Variants in SLC25A30 observed in about 807,000 individuals in gnomAD.
SLC25A30 encodes the protein solute carrier family 25 member 30.
A neutral mutation model predicts 42.7 loss-of-function variants in SLC25A30; 29 were observed. The ratio of observed to expected loss-of-function variants is 0.68; its 90% CI spans 0.51 to 0.93. The LOEUF is 0.93. Among genes scored for constraint, SLC25A30 ranks in the 40% least tolerant of loss-of-function variants. The pLI is 0.00. For missense variants in SLC25A30, 300 were observed against 359.7 expected, an observed-to-expected ratio of 0.83 and a Z score of 1.34; for synonymous variants, 124 against 131.0, an observed-to-expected ratio of 0.95 and a Z score of 0.37.
chr13:45,423,807 TATATAAAA>T, the SLC25A30 span, among the ~76,000 whole-genome samples: 3 of 44,138 alleles, frequency 6.8e-5, no homozygotes, highest in Non-Finnish European at 9.4e-5. Flanking sequence ...TATATTTATA[TATATAAAA>T]ATATAAATAT....
intron 6 of SLC25A30, 27 bp downstream of exon 6, chr13:45,402,248 T>G (rs186994815): frequency 2.1e-5 from 32 of 1,536,624 alleles, no homozygotes; most frequent in Middle Eastern, 1.7e-4. Context: ...ACTAAATAAA[T>G]CAGTTCGATC....
At position 45,393,662 on chromosome 13, in the gene SLC25A30, G is replaced by T; in HGVS notation, c.*2312C>A. On this transcript the variant is annotated 3_prime_UTR_variant, in exon 10 of 10. Coordinates refer to ENST00000519676, the MANE Select transcript of SLC25A30 (RefSeq NM_001010875.4). ...AGAACCCTGACAACGAGGGGACCAA[G>T]TCTCCCAATTCCTTAAGTTGTTTCT... 4.1e-6 allele frequency: 4 copies of T among 985,420 alleles called. No individual in the cohort carries two copies. Among genetic ancestry groups the T allele is most frequent in the Non-Finnish European group, 4.8e-6 (4 of 829,936 alleles). The allele number at this position is 985,420 out of a possible 1,614,324, so 61.0% of individuals were successfully genotyped here. A position where few individuals can be genotyped will look rare whatever the true frequency, so the allele number is the denominator to read the frequency against.
intron 7 of SLC25A30, 26 bp downstream of exon 7, chr13:45,401,056 AT>A (rs752517079): frequency 6.4e-7 from 1 of 1,555,370 alleles, no homozygotes. Context: ...AATTTCTATA[AT>A]TTTTTAAAAA....
chr13:45,398,589 A>C, intron 8 of SLC25A30: 1 of 161,054 alleles, frequency 6.2e-6, no homozygotes, highest in Non-Finnish European at 1.3e-5. Flanking sequence ...CAATTATTTA[A>C]ACTGAGAATT....
At chr13:45,425,534 A>G in the SLC25A30 span, among the ~76,000 whole-genome samples, 1 of 69,518 alleles carries the variant, frequency 1.4e-5, no homozygotes, top group African/African-American at 6.2e-5. Flanking sequence ...ATAAATATGT[A>G]TAAGTATATA....
chr13:45,397,258 A>C lies in SLC25A30; in HGVS notation c.834T>G (p.Ile278Met), dbSNP rs912050834. 6 of 1,598,000 alleles carry C rather than the reference A, an allele frequency of 3.8e-6. No individual in the cohort carries two copies. Among genetic ancestry groups the C allele is most frequent in the Non-Finnish European group, 5.1e-6 (6 of 1,165,986 alleles). Residue 278 changes from isoleucine (I) to methionine (M), a missense_variant and splice_region_variant, in exon 9 of 10, where the codon ATT (isoleucine) becomes ATG (methionine). By Grantham distance (10) the Ile-to-Met change is conservative. Transcript: ENST00000519676. ...GATCTATTGCAACAGAAAAGGATAC[A>C]ATGATATTCCAAGGACCAAGTCTCA... ...NWLRLGPWNI[I>M]FFVTYEQLKK... is the part of the protein sequence containing the mutation.
chr13:45,394,107 A>T lies in SLC25A30; in HGVS notation c.*1867T>A. The T allele has an allele frequency of 1.0e-6, 1 of 985,384 alleles. No homozygotes were observed. 61.0% of individuals were successfully genotyped at this position (985,384 alleles called of 1,614,324 possible). On this transcript the variant is annotated 3_prime_UTR_variant, in exon 10 of 10. Coordinates refer to ENST00000519676, the MANE Select transcript of SLC25A30 (RefSeq NM_001010875.4). ...TGGAATGTTTTGGAAAGAAGAAAAA[A>T]TCCTAAGGTGTAGTTTAGAACAAGC...
intron 5 of SLC25A30, among the ~76,000 whole-genome samples, chr13:45,404,118 T>C (rs1160193637): frequency 1.3e-5 from 2 of 152,188 alleles, no homozygotes; most frequent in Non-Finnish European, 2.9e-5. Context: ...ACCGAAATCT[T>C]TGTCTCCAAA....
rs1404173302 is a variant in SLC25A30, at chr13:45,411,354, G to T, written c.64+8C>A. ...AGGCTACGTGATCCACCACCCTCAG[G>T]TCCTTACCGCACTCAGCAGTGATGG... On this transcript the variant is annotated splice_region_variant and intron_variant, in intron 2 of 9. Coordinates refer to ENST00000519676, the MANE Select transcript of SLC25A30 (RefSeq NM_001010875.4). 1 of 1,609,750 alleles carries T rather than the reference G, an allele frequency of 6.2e-7. No individual in the cohort carries two copies. The highest frequency in any genetic ancestry group is 1.3e-5 in the African/African-American group (1 of 74,798).
intron 1 of SLC25A30, among the ~76,000 whole-genome samples, chr13:45,415,486 C>T (rs933349989): frequency 1.3e-5 from 2 of 151,994 alleles, no homozygotes; most frequent in Non-Finnish European, 2.9e-5. Flanking sequence ...TGTGGTGGCT[C>T]AAGCCTGTAA....
chr13:45,414,956 T>C (rs914093055), intron 1 of SLC25A30, among the ~76,000 whole-genome samples: 3 of 152,136 alleles, frequency 2.0e-5, no homozygotes, highest in African/African-American at 7.2e-5. Flanking sequence ...CAGTCAATAG[T>C]GTCTGGGCAG....
chr13:45,402,685 T>C (rs1882113939), intron 5 of SLC25A30: 1 of 771,850 alleles, frequency 1.3e-6, no homozygotes, highest in Non-Finnish European at 1.6e-6. Context: ...ACAGCATACT[T>C]CCCTACTACT....
Position 45,395,398 on chromosome 13 carries a change from G to A in SLC25A30, c.*576C>T. Reference sequence around the variant, plus strand: ...AAGCTTAAAATCACTTATTATAAGTGGAAGATCCTGCCAAAATAGGAAATG... The same window carrying A: ...AAGCTTAAAATCACTTATTATAAGTAGAAGATCCTGCCAAAATAGGAAATG... On this transcript the variant is annotated 3_prime_UTR_variant, in exon 10 of 10. Coordinates refer to ENST00000519676, the MANE Select transcript of SLC25A30 (RefSeq NM_001010875.4). 2 of 986,538 alleles carry A rather than the reference G, an allele frequency of 2.0e-6. No homozygotes were observed. Among genetic ancestry groups the A allele is most frequent in the Non-Finnish European group, 2.4e-6 (2 of 830,642 alleles). 61.1% of individuals were successfully genotyped at this position (986,538 alleles called of 1,614,324 possible). A position where few individuals can be genotyped will look rare whatever the true frequency, so the allele number is the denominator to read the frequency against.
intron 9 of SLC25A30, chr13:45,396,295 G>A: frequency 7.7e-7 from 1 of 1,299,698 alleles, no homozygotes; most frequent in South Asian, 1.9e-5. Context: ...TTGCTGTGGT[G>A]GAAAAACTTT....
chr13:45,405,131 C>T (rs529756721), intron 4 of SLC25A30, among the ~76,000 whole-genome samples: 211 of 152,194 alleles, frequency 1.4e-3, no homozygotes, highest in Non-Finnish European at 2.5e-3. Context: ...ACCATGTTGC[C>T]GAGGCTGGTC....
chr13:45,429,279 G>A, the SLC25A30 span, among the ~76,000 whole-genome samples: 1 of 151,580 alleles, frequency 6.6e-6, no homozygotes, highest in African/African-American at 2.4e-5. Flanking sequence ...ATGTTGGCCA[G>A]GCTGGTCTCG....
At chr13:45,399,805 C>T (rs1166265317) in intron 7 of SLC25A30, among the ~76,000 whole-genome samples, 2 of 151,812 alleles carry the variant, frequency 1.3e-5, no homozygotes, top group Non-Finnish European at 2.9e-5. Flanking sequence ...TACTATAATG[C>T]CCCGCAAAGG....
At chr13:45,415,588 T>C (rs896191989) in intron 1 of SLC25A30, among the ~76,000 whole-genome samples, 3 of 151,574 alleles carry the variant, frequency 2.0e-5, no homozygotes, top group Non-Finnish European at 2.9e-5. Flanking sequence ...CGGTCTCTAC[T>C]AAAAATACAA....
chr13:45,425,851 C>G, the SLC25A30 span, among the ~76,000 whole-genome samples: 1 of 145,952 alleles, frequency 6.9e-6, no homozygotes, highest in African/African-American at 2.5e-5. Context: ...CGCCAGCATG[C>G]CCAGGTAATT....
Sources: gnomAD v4.1 joint callset for allele counts (sites outside exome capture counted in the v4.1 genomes callset) on GRCh38, gnomAD v4.1.1 for gene constraint, MANE v1.5 for transcripts, NCBI Gene and HGNC (gene_info 2026-07-23, HGNC 2026-07-21) for gene names.